The following SDK1 variants were observed in gnomAD, a reference collection of about 807,000 sequenced individuals.
SDK1 encodes protein sidekick-1.
SDK1 carries 157 observed loss-of-function variants against 245.5 expected under a neutral mutation model. That is an observed-to-expected ratio of 0.64 (90% CI 0.56 to 0.73). The LOEUF (loss-of-function observed/expected upper bound fraction) is 0.73. SDK1 is among the 30% of genes least tolerant of loss of function. The pLI, the probability that SDK1 is intolerant of heterozygous loss-of-function variation, is 0.00. For missense variants in SDK1, 3,583 were observed against 3,002.3 expected (o/e 1.19, Z -4.52); for synonymous variants, 1,647 against 1,278.5 (o/e 1.29, Z -6.15).
At chr7:3,313,896 C>T (rs1042007351) in intron 1 of SDK1, among the ~76,000 whole-genome samples, 2 of 152,078 alleles carry the variant, frequency 1.3e-5, no homozygotes, top group African/African-American at 4.8e-5. Flanking sequence ...CAAAACATGT[C>T]GTACACAATA....
At chr7:3,676,975 C>T (rs1393202906) in intron 4 of SDK1, among the ~76,000 whole-genome samples, 2 of 152,128 alleles carry the variant, frequency 1.3e-5, no homozygotes, top group South Asian at 4.2e-4. Context: ...GCTTCTCTAA[C>T]CTCATCTTTT....
At chr7:3,514,775 T>C (rs1290124276) in intron 1 of SDK1, among the ~76,000 whole-genome samples, 2 of 152,184 alleles carry the variant, frequency 1.3e-5, no homozygotes, top group African/African-American at 4.8e-5. Flanking sequence ...CATTGTTTTA[T>C]GCCCAGCTGA....
intron 1 of SDK1, among the ~76,000 whole-genome samples, chr7:3,549,115 C>G (rs1294648962): frequency 6.6e-6 from 1 of 152,236 alleles, no homozygotes; most frequent in Non-Finnish European, 1.5e-5. Context: ...TATTTCCAAA[C>G]TGCGTAAAAA....
intron 19 of SDK1, among the ~76,000 whole-genome samples, chr7:4,060,339 C>A (rs923636038): frequency 4.6e-5 from 7 of 152,066 alleles, no homozygotes; most frequent in Non-Finnish European, 7.4e-5. Context: ...AAACCAAACC[C>A]AAAATTAGTA....
rs193068033 is a variant in SDK1 at position 3,428,962 on chromosome 7, T to C, written c.298+127078T>C. 2.0e-5 allele frequency among the ~76,000 whole-genome samples: 3 copies of C among 152,340 alleles called. 1 individual carries two copies. The highest frequency in any genetic ancestry group is 4.4e-5 in the Non-Finnish European group (3 of 68,024). On this transcript the variant is annotated intron_variant, in intron 1 of 44. Coordinates refer to ENST00000404826, the MANE Select transcript of SDK1 (RefSeq NM_152744.4). ...AGCAGTGGGTAGGGATGTTAATGACTGGACCTTAAGCTTCAGGGATTCAGA... is the reference window on the plus strand; with the variant it reads ...AGCAGTGGGTAGGGATGTTAATGACCGGACCTTAAGCTTCAGGGATTCAGA...
At position 3,696,044 on chromosome 7, in the gene SDK1, G is replaced by C. The variant is rs28635145; in HGVS notation, c.713+53939G>C. 6.1e-3 allele frequency among the ~76,000 whole-genome samples: 924 copies of C among 151,900 alleles called. 6 individuals are homozygous for C. Among genetic ancestry groups the C allele is most frequent in the African/African-American group, 0.021 (889 of 41,390 alleles). ...CTTCGTTCCTCTCAGCCTCTTCTCC[G>C]CGTTCCGGTTTTCCCACTTGTCCCT... is the stretch of plus-strand genomic sequence containing the variant. On this transcript the variant is annotated intron_variant, in intron 4 of 44. Coordinates refer to ENST00000404826, the MANE Select transcript of SDK1 (RefSeq NM_152744.4).
chr7:4,096,822 CG>C (rs1013627851), intron 22 of SDK1, among the ~76,000 whole-genome samples: 1 of 151,902 alleles, frequency 6.6e-6, no homozygotes, highest in Admixed American at 6.6e-5. Context: ...ATTCAGGGGC[CG>C]GGGACACTGA....
At chr7:4,039,269 T>A (rs1020586913) in intron 17 of SDK1, among the ~76,000 whole-genome samples, 66 of 151,998 alleles carry the variant, frequency 4.3e-4, no homozygotes, top group African/African-American at 1.5e-3. Flanking sequence ...AACCAGCACG[T>A]TGTGCACATG....
chr7:3,808,484 A>G (rs991188286), intron 4 of SDK1, among the ~76,000 whole-genome samples: 5 of 152,206 alleles, frequency 3.3e-5, no homozygotes, highest in African/African-American at 9.7e-5. Flanking sequence ...CAACTTCTGA[A>G]TAATTCCCAG....
At chr7:3,549,650 T>C (rs1240565417) in intron 1 of SDK1, among the ~76,000 whole-genome samples, 9 of 152,190 alleles carry the variant, frequency 5.9e-5, no homozygotes, top group Non-Finnish European at 1.5e-5. Flanking sequence ...TTCCCTACTT[T>C]TTAGCAAAGA....
At chr7:4,203,801 C>T (rs1784033831) in intron 35 of SDK1, among the ~76,000 whole-genome samples, 1 of 152,238 alleles carries the variant, frequency 6.6e-6, no homozygotes, top group Non-Finnish European at 1.5e-5. Flanking sequence ...ACATATATTT[C>T]TCTCTTCCCT....
intron 39 of SDK1, among the ~76,000 whole-genome samples, chr7:4,220,635 C>A (rs931539974): frequency 1.3e-5 from 2 of 151,062 alleles, no homozygotes; most frequent in South Asian, 2.1e-4. Context: ...TCCCACTTAT[C>A]CAACTGTTCT....
chr7:3,832,237 C>T (rs1413660671), intron 5 of SDK1, among the ~76,000 whole-genome samples: 4 of 152,108 alleles, frequency 2.6e-5, no homozygotes, highest in African/African-American at 9.7e-5. Context: ...TGTCTTTTCC[C>T]CAAAGAGACT....
intron 1 of SDK1, among the ~76,000 whole-genome samples, chr7:3,460,890 A>G (rs1487527642): frequency 6.6e-6 from 1 of 152,224 alleles, no homozygotes; most frequent in Non-Finnish European, 1.5e-5. Flanking sequence ...GTCTTAGACT[A>G]GATTCTTGAC....
intron 36 of SDK1, among the ~76,000 whole-genome samples, 190 bp downstream of exon 36, chr7:4,206,184 C>T (rs1562431733): frequency 6.6e-6 from 1 of 152,242 alleles, no homozygotes; most frequent in South Asian, 2.1e-4. Context: ...TGGGAGGCAG[C>T]ACAGGGGCCA....
chr7:3,930,618 A>G (rs947377888), intron 5 of SDK1, among the ~76,000 whole-genome samples: 6 of 152,286 alleles, frequency 3.9e-5, no homozygotes, highest in African/African-American at 1.4e-4. Context: ...AAATTAATTA[A>G]TCAGAAAGGA....
chr7:3,315,398 G>A (rs1779639842), intron 1 of SDK1, among the ~76,000 whole-genome samples: 1 of 142,314 alleles, frequency 7.0e-6, no homozygotes, highest in Non-Finnish European at 1.5e-5. Context: ...TGGTGGAACT[G>A]ATCTTTGAGT....
intron 1 of SDK1, among the ~76,000 whole-genome samples, chr7:3,513,843 C>T (rs1782653922): frequency 6.6e-6 from 1 of 152,078 alleles, no homozygotes; most frequent in Non-Finnish European, 1.5e-5. Context: ...TCCATGTGTA[C>T]TCAGTATCTA....
chr7:3,332,150 G>C (rs191389899), intron 1 of SDK1, among the ~76,000 whole-genome samples: 27 of 152,304 alleles, frequency 1.8e-4, no homozygotes, highest in Admixed American at 5.9e-4. Context: ...TGATCACTGA[G>C]ATGTTTGGAG....
Sources: allele counts gnomAD v4.1 joint callset (sites outside exome capture counted in the v4.1 genomes callset), GRCh38; gene constraint gnomAD v4.1.1; transcripts MANE v1.5; gene names NCBI Gene and HGNC (gene_info 2026-07-23, HGNC 2026-07-21).